ZFYVE28: variants seen among roughly 807,000 people sequenced by gnomAD.
ZFYVE28 encodes lateral signaling target protein 2 homolog.
ZFYVE28 carries 40 observed loss-of-function variants against 82.1 expected under a neutral mutation model. The observed-to-expected ratio is 0.49, with a 90% CI of 0.38 to 0.63. ZFYVE28 has a LOEUF of 0.63. Ranked by LOEUF, ZFYVE28 falls within the 30% of genes least tolerant of loss-of-function variation. ZFYVE28 has a pLI of 0.00. For missense variants in ZFYVE28, 1,321 were observed against 1,242.1 expected, an observed-to-expected ratio of 1.06 and a Z score of -0.96; for synonymous variants, 612 against 546.1, an observed-to-expected ratio of 1.12 and a Z score of -1.68.
At chr4:2,326,988 A>T (rs1719929506) in intron 6 of ZFYVE28, among the ~76,000 whole-genome samples, 1 of 151,920 alleles carries the variant, frequency 6.6e-6, no homozygotes, top group Non-Finnish European at 1.5e-5. Context: ...GCAGTGACTC[A>T]CGCCTATAAT....
rs371368497 is a variant in ZFYVE28 at position 2,341,876 on chromosome 4, C to T, written c.181-261G>A. The stretch of plus-strand genomic sequence containing the variant: ...CTCTACTAAAAATACAAAAATTAGC[C>T]GGGCGTGGTAGCGCACACCTGTAAT... On this transcript the variant is annotated intron_variant, in intron 2 of 12. Transcript: ENST00000290974. This position sits in a 1 kb window ranked among gnomAD's most constrained non-coding sequence, Gnocchi z 4.5. Among the ~76,000 whole-genome samples, 18 of 152,216 alleles carry T rather than the reference C, an allele frequency of 1.2e-4. No individual in the cohort carries two copies. The highest frequency in any genetic ancestry group is 3.9e-4 in the African/African-American group (16 of 41,532).
In ZFYVE28 at chr4:2,270,406, T is replaced by C. The variant is rs973868105; in HGVS notation, c.*319A>G. ...CCTCCATCACCCGCCCCGATTCCCA[T>C]AGCCCCAGCAGATCTCCGAGGGACC... is the stretch of plus-strand genomic sequence containing the variant. On this transcript the variant is annotated 3_prime_UTR_variant, in exon 13 of 13. Coordinates refer to ENST00000290974, the MANE Select transcript of ZFYVE28 (RefSeq NM_020972.3). 3 of 397,364 alleles carry C rather than the reference T, an allele frequency of 7.5e-6. No individual in the cohort carries two copies. Among genetic ancestry groups the C allele is most frequent in the Admixed American group, 3.9e-5 (1 of 25,380 alleles). The allele number at this position is 397,364 out of a possible 1,614,324, so 24.6% of individuals were successfully genotyped here. A position where few individuals can be genotyped will look rare whatever the true frequency, so the allele number is the denominator to read the frequency against.
At chr4:2,321,281 C>T (rs528559917) in intron 6 of ZFYVE28, among the ~76,000 whole-genome samples, 1 of 152,166 alleles carries the variant, frequency 6.6e-6, no homozygotes, top group Non-Finnish European at 1.5e-5. Context: ...CAGCCAACAC[C>T]GAGTCCCTGG....
chr4:2,360,230 G>C (rs1375309966), intron 1 of ZFYVE28, among the ~76,000 whole-genome samples: 1 of 150,664 alleles, frequency 6.6e-6, no homozygotes, highest in Non-Finnish European at 1.5e-5. Context: ...ACCACACCCC[G>C]CCCCACACCA....
intron 1 of ZFYVE28, among the ~76,000 whole-genome samples, chr4:2,381,402 T>A (rs1329271493): frequency 6.6e-6 from 1 of 151,934 alleles, no homozygotes; most frequent in Non-Finnish European, 1.5e-5. Flanking sequence ...AGCCTGACAG[T>A]TTTTGTTGTT....
intron 6 of ZFYVE28, chr4:2,328,885 C>T: frequency 2.8e-6 from 1 of 362,696 alleles, no homozygotes; most frequent in South Asian, 1.1e-4. Flanking sequence ...AGAGACTGTT[C>T]TTTCCTTATT....
At chr4:2,301,915 A>C (rs1472920746) in intron 8 of ZFYVE28, among the ~76,000 whole-genome samples, 1 of 152,182 alleles carries the variant, frequency 6.6e-6, no homozygotes, top group Non-Finnish European at 1.5e-5. Context: ...TGTTCGCGCG[A>C]GGCTGTTCAT....
At chr4:2,308,600 C>A (rs1716929585) in intron 7 of ZFYVE28, among the ~76,000 whole-genome samples, 3 of 99,060 alleles carry the variant, frequency 3.0e-5, no homozygotes, top group Admixed American at 1.3e-4. Flanking sequence ...GAAGGAGAGA[C>A]AGAGAGAGAG....
chr4:2,354,145 C>T, intron 1 of ZFYVE28, 72 bp from the exon 2 acceptor site: 1 of 1,383,422 alleles, frequency 7.2e-7, no homozygotes, highest in Non-Finnish European at 9.5e-7. Context: ...GTTGCCTTGT[C>T]CCCAGGCCAT....
At position 2,387,056 on chromosome 4, in the gene ZFYVE28, T is replaced by TCCAGGGCCAGGGCCGGGG. The variant is rs761181680; in HGVS notation, c.39+31228_39+31229insCCCCGGCCCTGGCCCTGG. Among the ~76,000 whole-genome samples the TCCAGGGCCAGGGCCGGGG allele has an allele frequency of 4.5e-4, 69 of 152,042 alleles. 2 individuals carry two copies. The highest frequency in any genetic ancestry group is 3.9e-3 in the Admixed American group (60 of 15,304). Reference sequence around the variant, plus strand: ...GACGGCTCCGCAGACTGCAGGAGACTCCGGGGCCGGGGCCGGGGCCGGGGC... The same window carrying TCCAGGGCCAGGGCCGGGG: ...GACGGCTCCGCAGACTGCAGGAGACTCCAGGGCCAGGGCCGGGGCCGGGGCCGGGGCCGGGGCCGGGGC... On this transcript the variant is annotated intron_variant, in intron 1 of 12. Coordinates refer to ENST00000290974, the MANE Select transcript of ZFYVE28 (RefSeq NM_020972.3).
chr4:2,350,473 A>AAAAG (rs1252425948), intron 2 of ZFYVE28, among the ~76,000 whole-genome samples: 52 of 152,112 alleles, frequency 3.4e-4, no homozygotes, highest in Non-Finnish European at 1.0e-4. Context: ...CAAAAAAAAA[A>AAAAG]AAAGAAAGAA....
chr4:2,413,935 G>C (rs897024033), intron 1 of ZFYVE28, among the ~76,000 whole-genome samples: 2 of 152,172 alleles, frequency 1.3e-5, no homozygotes, highest in African/African-American at 4.8e-5. Flanking sequence ...GGGGATCTCT[G>C]TCATCGCCCC....
intron 1 of ZFYVE28, among the ~76,000 whole-genome samples, chr4:2,402,146 G>A (rs1203119362): frequency 6.6e-6 from 1 of 152,194 alleles, no homozygotes; most frequent in Non-Finnish European, 1.5e-5. Context: ...GGTCCCCAGT[G>A]AGCATGGAGC....
At chr4:2,369,460 C>T (rs1295135550) in intron 1 of ZFYVE28, among the ~76,000 whole-genome samples, 1 of 152,188 alleles carries the variant, frequency 6.6e-6, no homozygotes, top group Non-Finnish European at 1.5e-5. Context: ...TTCCTACCCA[C>T]CCACAGTGGG....
intron 4 of ZFYVE28, 48 bp from the exon 5 acceptor site, chr4:2,337,544 G>A (rs1722028380): frequency 6.6e-7 from 1 of 1,509,666 alleles, no homozygotes; most frequent in Non-Finnish European, 9.0e-7. Context: ...CTGTGGCGGG[G>A]CCCCTCCAAA....
Position 2,339,676 on chromosome 4 carries a change from A to G in ZFYVE28, c.319-21T>C. On this transcript the variant is annotated intron_variant, in intron 3 of 12. Coordinates refer to ENST00000290974, the MANE Select transcript of ZFYVE28 (RefSeq NM_020972.3). This position sits in a 1 kb window ranked among gnomAD's most constrained non-coding sequence, Gnocchi z 5.0. ...AGGCACTGCGGGAGGGGACACACTC[A>G]GGGAGGGGCCCGGGTGAGGGCCAGG... 1.3e-6 allele frequency: 2 copies of G among 1,573,886 alleles called. No homozygotes were observed. Among genetic ancestry groups the G allele is most frequent in the African/African-American group, 1.3e-5 (1 of 74,102 alleles).
intron 1 of ZFYVE28, among the ~76,000 whole-genome samples, chr4:2,377,232 A>C (rs562396028): frequency 1.7e-4 from 26 of 152,146 alleles, no homozygotes; most frequent in Non-Finnish European, 3.1e-4. Context: ...CGTGTTAGCC[A>C]GGATGGTCTC....
intron 2 of ZFYVE28, among the ~76,000 whole-genome samples, chr4:2,350,509 C>A (rs975040593): frequency 6.6e-6 from 1 of 151,934 alleles, no homozygotes; most frequent in African/African-American, 2.4e-5. Context: ...GTAAAATATA[C>A]GTTTGGTCAT....
At chr4:2,391,387 C>T (rs751081988) in intron 1 of ZFYVE28, among the ~76,000 whole-genome samples, 1 of 151,202 alleles carries the variant, frequency 6.6e-6, no homozygotes, top group Non-Finnish European at 1.5e-5. Context: ...TTTACCTCTA[C>T]GTACATAACA....
Sources: gnomAD v4.1 joint callset for allele counts (sites outside exome capture counted in the v4.1 genomes callset) on GRCh38, gnomAD v4.1.1 for gene constraint, Gnocchi (gnomAD v3.1) non-coding constraint, MANE v1.5 for transcripts, NCBI Gene and HGNC (gene_info 2026-07-23, HGNC 2026-07-21) for gene names.